Variants in NRXN2 observed in about 807,000 individuals in gnomAD.
NRXN2 encodes the protein neurexin-2-beta.
Under a neutral mutation model 128.8 loss-of-function variants are expected in NRXN2, and 29 were observed. The ratio of observed to expected loss-of-function variants is 0.23; its 90% CI spans 0.17 to 0.31. The LOEUF (loss-of-function observed/expected upper bound fraction) is 0.31, where lower values mean the gene tolerates loss of function less well. NRXN2 is among the 10% of genes least tolerant of loss of function. The pLI is 1.00. For synonymous variants in NRXN2, 1,098 were observed against 1,075.2 expected (o/e 1.02, Z -0.41); for missense variants, 1,881 against 2,452.6 (o/e 0.77, Z 4.92).
rs1465889946 is a variant in NRXN2, at chr11:64,714,477, AG to A, written c.-244-535del. On this transcript the variant is annotated intron_variant, in intron 1 of 22. Transcript: ENST00000265459. This position sits in a 1 kb window ranked among gnomAD's most constrained non-coding sequence, Gnocchi z 4.5. ...GTATCACAGGGTAACCAGACTGGGAAGGGGGCAAGGGAGAGAAGCCAGCCAG... is the reference window on the plus strand; with the variant it reads ...GTATCACAGGGTAACCAGACTGGGAAGGGGCAAGGGAGAGAAGCCAGCCAG... 3.3e-5 allele frequency among the ~76,000 whole-genome samples: 5 copies of A among 152,080 alleles called. No individual in the cohort carries two copies. Among genetic ancestry groups the A allele is most frequent in the Admixed American group, 2.6e-4 (4 of 15,278 alleles).
chr11:64,670,907 T>C (rs906635708), intron 7 of NRXN2, among the ~76,000 whole-genome samples: 2 of 152,118 alleles, frequency 1.3e-5, no homozygotes, highest in African/African-American at 4.8e-5. Context: ...AGCTGTGTCC[T>C]CCCTCACTGG....
chr11:64,709,758 G>A lies in NRXN2; in HGVS notation c.730+3212C>T, dbSNP rs956945722. Among the ~76,000 whole-genome samples the A allele has an allele frequency of 2.0e-5, 3 of 151,950 alleles. No homozygotes were observed. In the East Asian group the frequency reaches 5.8e-4, roughly 29 times the overall value. On this transcript the variant is annotated intron_variant, in intron 2 of 22. Transcript: ENST00000265459. ...GATTAGGTGCTGGGAATACAGAAAT[G>A]AATAAAGACACAACCCTCCCCCTTT...
chr11:64,710,349 T>C (rs561225094), intron 2 of NRXN2, among the ~76,000 whole-genome samples: 37 of 152,272 alleles, frequency 2.4e-4, no homozygotes, highest in African/African-American at 8.9e-4. Context: ...AGCCATATTA[T>C]ACACACAGCC....
chr11:64,690,509 G>T (rs1250119545), intron 4 of NRXN2, 33 bp from the exon 5 acceptor site: 1 of 1,584,578 alleles, frequency 6.3e-7, no homozygotes, highest in Non-Finnish European at 8.6e-7. Flanking sequence ...TCAGGCACAG[G>T]GGGTACCGAG....
intron 22 of NRXN2, among the ~76,000 whole-genome samples, chr11:64,619,649 C>G (rs569264958): frequency 6.6e-6 from 1 of 152,296 alleles, no homozygotes; most frequent in South Asian, 2.1e-4. Flanking sequence ...TGGGCCAGAC[C>G]TCAGGCCCTA....
intron 19 of NRXN2, among the ~76,000 whole-genome samples, chr11:64,627,220 A>G (rs766492741): frequency 5.3e-5 from 8 of 150,464 alleles, no homozygotes; most frequent in Non-Finnish European, 1.0e-4. Context: ...CCCGTTCCCA[A>G]CCCCACCACT....
At chr11:64,618,485 C>T (rs2041860395) in intron 22 of NRXN2, among the ~76,000 whole-genome samples, 1 of 152,182 alleles carries the variant, frequency 6.6e-6, no homozygotes, top group African/African-American at 2.4e-5. Flanking sequence ...AGAGCCCCGT[C>T]CCAGAGCTTT....
chr11:64,710,128 G>C (rs999872627), intron 2 of NRXN2, among the ~76,000 whole-genome samples: 6 of 151,798 alleles, frequency 4.0e-5, no homozygotes, highest in African/African-American at 1.2e-4. Context: ...GGCTGGTCTC[G>C]AACTCCCGAC....
chr11:64,718,510 T>C (rs983325066), intron 1 of NRXN2, among the ~76,000 whole-genome samples: 2 of 151,920 alleles, frequency 1.3e-5, no homozygotes, highest in African/African-American at 4.8e-5. Flanking sequence ...TGGGGGGAGA[T>C]TCTGGCTCAG....
At chr11:64,704,623 C>CACAGAGGGAGAG (rs1336665936) in intron 2 of NRXN2, among the ~76,000 whole-genome samples, 22 of 81,178 alleles carry the variant, frequency 2.7e-4, no homozygotes, top group African/African-American at 1.0e-3. Context: ...CACACACACA[C>CACAGAGGGAGAG]AGAGAGAGAG....
intron 9 of NRXN2, among the ~76,000 whole-genome samples, chr11:64,664,757 C>T (rs1033469712): frequency 2.6e-5 from 4 of 151,816 alleles, no homozygotes; most frequent in African/African-American, 9.7e-5. Context: ...TTTGGGAGGC[C>T]GAGGCGGGTG....
rs1278922383 is a variant in NRXN2, at chr11:64,630,379, C to T, written c.3757+23G>A. ...GCCACCCGCCCCGCCACCGCGCCTC[C>T]TCCGCGGGCCCGCGCCGCCTACCTG... On this transcript the variant is annotated intron_variant, in intron 19 of 22. Transcript: ENST00000265459. The surrounding 1 kb of genome is among the most constrained non-coding windows in gnomAD (Gnocchi z 4.6). 6.2e-7 allele frequency: 1 copy of T among 1,602,302 alleles called. No homozygotes were observed. Among genetic ancestry groups the T allele is most frequent in the East Asian group, 2.2e-5 (1 of 44,598 alleles).
At chr11:64,708,512 G>C (rs996327349) in intron 2 of NRXN2, among the ~76,000 whole-genome samples, 1 of 152,102 alleles carries the variant, frequency 6.6e-6, no homozygotes, top group Non-Finnish European at 1.5e-5. Flanking sequence ...AATCAGCAAC[G>C]GTAGACAGAC....
intron 8 of NRXN2, 108 bp downstream of exon 8, chr11:64,668,335 G>C: frequency 7.1e-7 from 1 of 1,415,684 alleles, no homozygotes; most frequent in South Asian, 1.2e-5. Context: ...CCATGGACTT[G>C]GAAGGAACAG....
In NRXN2 at chr11:64,635,188, T is replaced by C. The variant is rs895435589; in HGVS notation, c.3585+83A>G. The C allele has an allele frequency of 6.1e-6, 9 of 1,485,724 alleles. No homozygotes were observed. The African/African-American group carries it at 1.2e-4, about 21-fold the overall frequency. 92.0% of individuals were successfully genotyped at this position (1,485,724 alleles called of 1,614,324 possible). A position where few individuals can be genotyped will look rare whatever the true frequency, so the allele number is the denominator to read the frequency against. ...GTTCCCCATGAGGGAAGACTTGAGG[T>C]GCTGATCCCATGGCAATGAGGGGCT... On this transcript the variant is annotated intron_variant, in intron 18 of 22. Coordinates refer to ENST00000265459, the MANE Select transcript of NRXN2 (RefSeq NM_015080.4). This position sits in a 1 kb window ranked among gnomAD's most constrained non-coding sequence, Gnocchi z 4.8.
At chr11:64,636,801 T>C (rs2044785999) in intron 17 of NRXN2, among the ~76,000 whole-genome samples, 1 of 151,584 alleles carries the variant, frequency 6.6e-6, no homozygotes, top group Non-Finnish European at 1.5e-5. Context: ...GCCAAGGAGG[T>C]GGCCCAGTTG....
In NRXN2 at chr11:64,660,322, G is replaced by A. The variant is rs1359110117; in HGVS notation, c.2389+10C>T. ...GTGAGGGGTCAGGAAGCACAGGGCA[G>A]GGTGGTTACCGAGGTTGACAGTGAG... On this transcript the variant is annotated intron_variant, in intron 11 of 22. Coordinates refer to ENST00000265459, the MANE Select transcript of NRXN2 (RefSeq NM_015080.4). The surrounding 1 kb of genome is among the most constrained non-coding windows in gnomAD (Gnocchi z 5.2). The A allele has an allele frequency of 1.2e-6, 2 of 1,612,712 alleles. No individual in the cohort carries two copies. The highest frequency in any genetic ancestry group is 1.7e-6 in the Non-Finnish European group (2 of 1,179,734).
intron 2 of NRXN2, among the ~76,000 whole-genome samples, chr11:64,705,081 C>G (rs1256034253): frequency 6.6e-6 from 1 of 152,188 alleles, no homozygotes; most frequent in Admixed American, 6.5e-5. Flanking sequence ...GGACAGCTGA[C>G]CCACAAACAC....
chr11:64,671,669 C>T (rs1468043972), intron 7 of NRXN2, among the ~76,000 whole-genome samples: 1 of 151,928 alleles, frequency 6.6e-6, no homozygotes, highest in East Asian at 1.9e-4. Context: ...AGAAGGCGTG[C>T]GGGGCAGGGG....
Sources: allele counts gnomAD v4.1 joint callset (sites outside exome capture counted in the v4.1 genomes callset), GRCh38; gene constraint gnomAD v4.1.1; non-coding constraint Gnocchi (gnomAD v3.1); transcripts MANE v1.5; gene names NCBI Gene and HGNC (gene_info 2026-07-23, HGNC 2026-07-21).